The following KLHL24 variants were observed in gnomAD, a reference collection of about 807,000 sequenced individuals.
The protein encoded by KLHL24 is kelch-like protein 24.
A neutral mutation model predicts 53.4 loss-of-function variants in KLHL24; 29 were observed. The observed-to-expected ratio is 0.54, with a 90% CI of 0.40 to 0.74. KLHL24 has a LOEUF of 0.74. KLHL24 is among the 30% of genes least tolerant of loss of function. The pLI, the probability that KLHL24 is intolerant of heterozygous loss-of-function variation, is 0.00. For missense variants in KLHL24, 504 were observed against 744.0 expected, an observed-to-expected ratio of 0.68 and a Z score of 3.75; for synonymous variants, 222 against 253.7, an observed-to-expected ratio of 0.88 and a Z score of 1.19.
intron 1 of KLHL24, among the ~76,000 whole-genome samples, chr3:183,639,375 A>T (rs1715928411): frequency 6.6e-6 from 1 of 152,202 alleles, no homozygotes; most frequent in Non-Finnish European, 1.5e-5. Flanking sequence ...TCACGCCTGT[A>T]ATCCCAGCAC....
At chr3:183,637,803 CG>C (rs1316072768) in intron 1 of KLHL24, among the ~76,000 whole-genome samples, 1 of 152,156 alleles carries the variant, frequency 6.6e-6, no homozygotes, top group Non-Finnish European at 1.5e-5. Flanking sequence ...GGATGACAGG[CG>C]CCCGCCACCA....
At chr3:183,646,871 G>A (rs868368735) in intron 2 of KLHL24, among the ~76,000 whole-genome samples, 18 of 151,710 alleles carry the variant, frequency 1.2e-4, no homozygotes, top group Admixed American at 5.3e-4. Flanking sequence ...GTGCAGTGGC[G>A]CGATCTAGGC....
In KLHL24 at chr3:183,661,424, G is replaced by C. The variant is rs577199946; in HGVS notation, c.921-2034G>C. On this transcript the variant is annotated intron_variant, in intron 3 of 7. Transcript: ENST00000242810. ...TTAAGGCCATTAGCTCCCTGCCTGA[G>C]ATAAGTATTTCTCCAAGCTCAAGAA... Among the ~76,000 whole-genome samples the C allele has an allele frequency of 4.6e-5, 7 of 152,198 alleles. No homozygotes were observed. The South Asian group carries it at 1.5e-3, about 32-fold the overall frequency.
rs550732913 is a variant in KLHL24 at position 183,666,292 on chromosome 3, C to T, written c.1224+1253C>T. 7.5e-4 allele frequency among the ~76,000 whole-genome samples: 114 copies of T among 151,748 alleles called. 1 individual carries two copies. The highest frequency in any genetic ancestry group is 2.7e-3 in the African/African-American group (110 of 41,396). Reference sequence around the variant, plus strand: ...TTTCTTTTGTTTTTAGACAGGTTCTCACTCTGTTGCCCAGGCTGGAGTACA... The same window carrying T: ...TTTCTTTTGTTTTTAGACAGGTTCTTACTCTGTTGCCCAGGCTGGAGTACA... On this transcript the variant is annotated intron_variant, in intron 5 of 7. Transcript: ENST00000242810.
chr3:183,651,715 G>C (rs1179425396), intron 3 of KLHL24, among the ~76,000 whole-genome samples: 1 of 152,148 alleles, frequency 6.6e-6, no homozygotes, highest in Non-Finnish European at 1.5e-5. Context: ...AGTACTTTGG[G>C]AGGCCAAGGT....
intron 5 of KLHL24, among the ~76,000 whole-genome samples, chr3:183,665,885 CTT>C (rs10692613): frequency 6.3e-5 from 9 of 142,912 alleles, no homozygotes; most frequent in East Asian, 2.0e-4. Context: ...GAGAATCAAA[CTT>C]TTTTTTTTTT....
intron 1 of KLHL24, chr3:183,636,731 GC>G (rs1405172061): frequency 1.3e-5 from 2 of 152,158 alleles, no homozygotes; most frequent in East Asian, 3.9e-4. Flanking sequence ...CATTCTTCCC[GC>G]CCCCTTGAAG....
chr3:183,670,120 T>TAGGG (rs1721134321), intron 5 of KLHL24, among the ~76,000 whole-genome samples: 1 of 151,868 alleles, frequency 6.6e-6, no homozygotes. Flanking sequence ...AATAAATTAG[T>TAGGG]AGGGTGTGGT....
At chr3:183,655,983 G>A (rs6767516) in intron 3 of KLHL24, among the ~76,000 whole-genome samples, 49,259 of 148,054 alleles carry the variant, frequency 0.33, 9,001 homozygotes, top group African/African-American at 0.49. Flanking sequence ...CAAAAATGCT[G>A]ATATTATATA....
intron 5 of KLHL24, among the ~76,000 whole-genome samples, chr3:183,668,702 C>A (rs1390360281): frequency 2.6e-5 from 4 of 152,100 alleles, no homozygotes; most frequent in Non-Finnish European, 5.9e-5. Flanking sequence ...GTCAGGAGTT[C>A]AAGACCAGCC....
At chr3:183,667,687 C>T (rs967272383) in intron 5 of KLHL24, among the ~76,000 whole-genome samples, 10 of 151,960 alleles carry the variant, frequency 6.6e-5, no homozygotes, top group Admixed American at 3.3e-4. Flanking sequence ...GGGACTGCTG[C>T]GTAGAATACT....
At position 183,652,237 on chromosome 3, in the gene KLHL24, C is replaced by T. The variant is rs370673593; in HGVS notation, c.920+961C>T. Among the ~76,000 whole-genome samples the T allele has an allele frequency of 3.9e-4, 60 of 152,218 alleles. No individual in the cohort carries two copies. The East Asian group carries it at 0.01, about 26-fold the overall frequency. ...GTTAAATATTGTAGCATATTTGTAT[C>T]TTCTTCCAGTATATTATTTCTATAA... On this transcript the variant is annotated intron_variant, in intron 3 of 7. Transcript: ENST00000242810.
intron 5 of KLHL24, among the ~76,000 whole-genome samples, chr3:183,666,157 A>G (rs1720527413): frequency 6.6e-6 from 1 of 152,206 alleles, no homozygotes; most frequent in African/African-American, 2.4e-5. Context: ...CTGGGATTAT[A>G]GTTATGAGCC....
intron 2 of KLHL24, among the ~76,000 whole-genome samples, chr3:183,647,931 G>A (rs1046860237): frequency 2.6e-5 from 4 of 152,090 alleles, no homozygotes; most frequent in South Asian, 2.1e-4. Flanking sequence ...GCTTGAACCC[G>A]GGAGGCAGAG....
chr3:183,661,286 T>A (rs1300652612), intron 3 of KLHL24, among the ~76,000 whole-genome samples: 1 of 152,004 alleles, frequency 6.6e-6, no homozygotes, highest in Admixed American at 6.6e-5. Context: ...GACATGGCAT[T>A]CACTCTCTAG....
intron 1 of KLHL24, among the ~76,000 whole-genome samples, chr3:183,638,189 A>G (rs142653617): frequency 8.3e-4 from 127 of 152,312 alleles, no homozygotes; most frequent in African/African-American, 3.0e-3. Context: ...AAGTAAAACC[A>G]TCACTCAGTA....
At chr3:183,635,844 C>CGGGG (rs1054974144) in intron 1 of KLHL24, 51 bp downstream of exon 1, 1 of 152,534 alleles carries the variant, frequency 6.6e-6, no homozygotes, top group African/African-American at 2.4e-5. Context: ...TCCTGACCAC[C>CGGGG]GGGGTGTCTG....
chr3:183,674,514 C>G (rs1200662962), intron 7 of KLHL24, among the ~76,000 whole-genome samples: 4 of 152,016 alleles, frequency 2.6e-5, no homozygotes, highest in African/African-American at 9.7e-5. Context: ...GCGCCCACCA[C>G]CAAGCCCAGC....
At chr3:183,656,229 A>G (rs559283547) in intron 3 of KLHL24, among the ~76,000 whole-genome samples, 4 of 152,030 alleles carry the variant, frequency 2.6e-5, no homozygotes, top group African/African-American at 2.4e-5. Context: ...GGGTTTCCCC[A>G]TGTTGCTCAG....
Sources: allele counts gnomAD v4.1 joint callset (sites outside exome capture counted in the v4.1 genomes callset), GRCh38; gene constraint gnomAD v4.1.1; transcripts MANE v1.5; gene names NCBI Gene and HGNC (gene_info 2026-07-23, HGNC 2026-07-21).